CDK6: variants seen among roughly 807,000 people sequenced by gnomAD.
CDK6 encodes cyclin-dependent kinase 6.
In CDK6, 6 loss-of-function variants were observed where a neutral mutation model predicts 37.1. That is an observed-to-expected ratio of 0.16 (90% confidence interval 0.09 to 0.32). CDK6 has a LOEUF of 0.32. Among genes scored for constraint, CDK6 ranks in the 10% least tolerant of loss-of-function variants. CDK6 has a pLI of 1.00. For missense variants in CDK6, 224 were observed against 418.9 expected, an observed-to-expected ratio of 0.53 and a Z score of 4.06; for synonymous variants, 160 against 161.3, an observed-to-expected ratio of 0.99 and a Z score of 0.06.
At chr7:92,629,353 CCA>C (rs1305566411) in intron 5 of CDK6, among the ~76,000 whole-genome samples, 1 of 151,912 alleles carries the variant, frequency 6.6e-6, no homozygotes, top group Non-Finnish European at 1.5e-5. Flanking sequence ...ATTTATTTAT[CCA>C]CAGAGGGCTC....
intron 4 of CDK6, among the ~76,000 whole-genome samples, chr7:92,673,208 A>G (rs1797129326): frequency 6.6e-6 from 1 of 152,230 alleles, no homozygotes; most frequent in Admixed American, 6.5e-5. Context: ...ATATAACTGC[A>G]GTCCCAGACA....
intron 3 of CDK6, among the ~76,000 whole-genome samples, chr7:92,744,678 A>G (rs1799013433): frequency 6.6e-6 from 1 of 152,252 alleles, no homozygotes; most frequent in South Asian, 2.1e-4. Flanking sequence ...ACTGCTTTGA[A>G]AAGTAAAACT....
At chr7:92,821,361 A>G (rs1801167115) in intron 2 of CDK6, among the ~76,000 whole-genome samples, 1 of 152,120 alleles carries the variant, frequency 6.6e-6, no homozygotes, top group Non-Finnish European at 1.5e-5. Flanking sequence ...CTTGGAACAG[A>G]GATATGCCAT....
chr7:92,786,743 T>C (rs1001578436), intron 2 of CDK6, among the ~76,000 whole-genome samples: 2 of 150,302 alleles, frequency 1.3e-5, no homozygotes, highest in African/African-American at 4.9e-5. Context: ...TATGTATATA[T>C]ATATAATGTG....
chr7:92,679,738 C>T lies in CDK6; in HGVS notation c.538-8203G>A, dbSNP rs553634164. On this transcript the variant is annotated intron_variant, in intron 4 of 7. Coordinates refer to ENST00000424848, the MANE Select transcript of CDK6 (RefSeq NM_001145306.2). Reference sequence around the variant, plus strand: ...TGCAAAATTTACTTCTTTTTTTTTTCGAGACAGAGTGTCACTCTATAGCCC... The same window carrying T: ...TGCAAAATTTACTTCTTTTTTTTTTTGAGACAGAGTGTCACTCTATAGCCC... Among the ~76,000 whole-genome samples the T allele has an allele frequency of 1.6e-4, 24 of 149,906 alleles. No individual in the cohort carries two copies. In the East Asian group the frequency reaches 3.3e-3, roughly 21 times the overall value.
At chr7:92,662,624 A>T (rs534168424) in intron 5 of CDK6, among the ~76,000 whole-genome samples, 1 of 152,270 alleles carries the variant, frequency 6.6e-6, no homozygotes, top group African/African-American at 2.4e-5. Flanking sequence ...AGGCTGGGGG[A>T]CAGGGAGAGT....
At chr7:92,813,859 TAA>T (rs758671658) in intron 2 of CDK6, among the ~76,000 whole-genome samples, 4 of 152,140 alleles carry the variant, frequency 2.6e-5, no homozygotes, top group Non-Finnish European at 4.4e-5. Context: ...TGAGAAACAT[TAA>T]AAGACTGGCT....
chr7:92,744,226 T>C (rs1035359365), intron 3 of CDK6, among the ~76,000 whole-genome samples: 1 of 152,162 alleles, frequency 6.6e-6, no homozygotes, highest in South Asian at 2.1e-4. Context: ...AGAGGTTTAA[T>C]GGACTCACAG....
intron 2 of CDK6, among the ~76,000 whole-genome samples, chr7:92,815,446 C>G (rs1173016763): frequency 6.6e-6 from 1 of 152,128 alleles, no homozygotes; most frequent in Admixed American, 6.6e-5. Context: ...GCAAGAAGGT[C>G]CAGACTTCTT....
chr7:92,625,021 C>G (rs1262983588), intron 5 of CDK6, among the ~76,000 whole-genome samples: 5 of 151,738 alleles, frequency 3.3e-5, no homozygotes, highest in African/African-American at 7.3e-5. Context: ...GATGGACTGT[C>G]CTGGGAGTGA....
At chr7:92,821,251 C>T (rs908895198) in intron 2 of CDK6, among the ~76,000 whole-genome samples, 18 of 152,166 alleles carry the variant, frequency 1.2e-4, no homozygotes, top group South Asian at 1.0e-3. Context: ...TCCCAGCCTT[C>T]GCCAACCAAC....
At chr7:92,751,334 A>G (rs1399881546) in intron 3 of CDK6, among the ~76,000 whole-genome samples, 1 of 152,194 alleles carries the variant, frequency 6.6e-6, no homozygotes, top group African/African-American at 2.4e-5. Flanking sequence ...TGTTCGAGAT[A>G]CATTTTGTCT....
At chr7:92,684,468 T>C (rs550975425) in intron 4 of CDK6, among the ~76,000 whole-genome samples, 1 of 152,252 alleles carries the variant, frequency 6.6e-6, no homozygotes, top group East Asian at 1.9e-4. Context: ...GACTGGGTCC[T>C]GGATGGAGGG....
At chr7:92,653,878 T>C (rs1178379928) in intron 5 of CDK6, among the ~76,000 whole-genome samples, 7 of 152,318 alleles carry the variant, frequency 4.6e-5, no homozygotes, top group Admixed American at 6.5e-5. Flanking sequence ...AATGCTGGGA[T>C]CACAGGTGTA....
At chr7:92,706,024 A>G (rs1797958237) in intron 4 of CDK6, among the ~76,000 whole-genome samples, 1 of 152,270 alleles carries the variant, frequency 6.6e-6, no homozygotes, top group Admixed American at 6.5e-5. Context: ...AATAGCTGAA[A>G]GAGTTCTTAT....
At position 92,828,754 on chromosome 7, in the gene CDK6, T is replaced by C. The variant is rs182117669; in HGVS notation, c.233+4337A>G. On this transcript the variant is annotated intron_variant, in intron 2 of 7. Coordinates refer to ENST00000424848, the MANE Select transcript of CDK6 (RefSeq NM_001145306.2). Reference sequence around the variant, plus strand: ...ATAGAGAGATTCTAATAATTCTATGTTGATAGTGGTTGTATAAAAGGGATA... The same window carrying C: ...ATAGAGAGATTCTAATAATTCTATGCTGATAGTGGTTGTATAAAAGGGATA... Among the ~76,000 whole-genome samples, 247 of 152,270 alleles carry C rather than the reference T, an allele frequency of 1.6e-3. 1 individual carries two copies. The highest frequency in any genetic ancestry group is 5.8e-3 in the African/African-American group (240 of 41,566).
intron 4 of CDK6, among the ~76,000 whole-genome samples, chr7:92,722,940 T>G (rs745485700): frequency 6.6e-6 from 1 of 152,204 alleles, no homozygotes; most frequent in Non-Finnish European, 1.5e-5. Flanking sequence ...ATCCCAGCAC[T>G]TTGGGAGGCT....
At chr7:92,654,532 T>C (rs1417999110) in intron 5 of CDK6, among the ~76,000 whole-genome samples, 1 of 152,208 alleles carries the variant, frequency 6.6e-6, no homozygotes, top group Admixed American at 6.5e-5. Context: ...TTTCTTCTAA[T>C]ATTACTCTTA....
At chr7:92,781,790 C>A (rs1013065257) in intron 2 of CDK6, among the ~76,000 whole-genome samples, 2 of 152,116 alleles carry the variant, frequency 1.3e-5, no homozygotes, top group African/African-American at 4.8e-5. Context: ...TGAACTAGAG[C>A]CAGTATTTGG....
Sources: allele counts gnomAD v4.1 joint callset (sites outside exome capture counted in the v4.1 genomes callset), GRCh38; gene constraint gnomAD v4.1.1; transcripts MANE v1.5; gene names NCBI Gene and HGNC (gene_info 2026-07-23, HGNC 2026-07-21).